SNIP1: variants seen among roughly 807,000 people sequenced by gnomAD.
The protein encoded by SNIP1 is Smad nuclear interacting protein 1, also known as smad nuclear-interacting protein 1.
A neutral mutation model predicts 37.4 loss-of-function variants in SNIP1; 23 were observed. That is an observed-to-expected ratio of 0.61 (90% confidence interval 0.44 to 0.87). The LOEUF (loss-of-function observed/expected upper bound fraction) is 0.87, where lower values mean the gene tolerates loss of function less well. SNIP1 is among the 40% of genes least tolerant of loss of function. SNIP1 has a pLI of 0.00. For missense variants in SNIP1, 459 were observed against 540.4 expected (o/e 0.85, Z 1.49); for synonymous variants, 174 against 200.0 (o/e 0.87, Z 1.10).
chr1:37,548,481 A>G (rs553891410), intron 2 of SNIP1, among the ~76,000 whole-genome samples: 1 of 151,336 alleles, frequency 6.6e-6, no homozygotes, highest in South Asian at 2.1e-4. Context: ...ACACCCAGCT[A>G]ATTTTTGTAT....
At chr1:37,541,060 G>A (rs544893082) in intron 2 of SNIP1, 2 of 257,334 alleles carry the variant, frequency 7.8e-6, no homozygotes, top group Non-Finnish European at 1.5e-5. Flanking sequence ...CTCCTTTTCA[G>A]AACAAAGGTA....
Position 37,536,491 on chromosome 1 carries a change from T to A in SNIP1, c.*1257A>T, listed in dbSNP as rs766381720. Reference sequence around the variant, plus strand: ...GCTCCATTAGCAGCAAACAGACCTATGAACACAAGGTCCTCTACGCTAGGA... The same window carrying A: ...GCTCCATTAGCAGCAAACAGACCTAAGAACACAAGGTCCTCTACGCTAGGA... On this transcript the variant is annotated 3_prime_UTR_variant, in exon 4 of 4. Coordinates refer to ENST00000296215, the MANE Select transcript of SNIP1 (RefSeq NM_024700.4). The A allele has an allele frequency of 2.0e-5, 3 of 152,476 alleles. No individual in the cohort carries two copies. The highest frequency in any genetic ancestry group is 2.9e-5 in the Non-Finnish European group (2 of 68,044). The allele number at this position is 152,476 out of a possible 1,614,324, so 9.4% of individuals were successfully genotyped here.
At chr1:37,551,501 G>A (rs1643302056) in intron 2 of SNIP1, among the ~76,000 whole-genome samples, 1 of 152,128 alleles carries the variant, frequency 6.6e-6, no homozygotes, top group Admixed American at 6.6e-5. Context: ...ACCTCAGAAT[G>A]TATTAATAAC....
rs1313795550 is a variant in SNIP1, at chr1:37,540,743, G to C, written c.340C>G (p.His114Asp). Reference protein sequence around the residue: ...TVKVKQEREDHPRRGREDRQH... With the variant: ...TVKVKQEREDDPRRGREDRQH... Reference sequence around the variant, plus strand: ...CGATCCTCCCGTCCTCTCCGGGGATGATCCTCACGCTCCTAAAATTCAAAC... The same window carrying C: ...CGATCCTCCCGTCCTCTCCGGGGATCATCCTCACGCTCCTAAAATTCAAAC... The change falls in exon 3 of 4, where the codon CAT (histidine) becomes GAT (aspartate). Residue 114 changes from histidine to aspartate, a missense_variant. By Grantham distance (81) the His-to-Asp change is moderately conservative. Coordinates refer to ENST00000296215, the MANE Select transcript of SNIP1 (RefSeq NM_024700.4). This position sits in a 1 kb window ranked among gnomAD's most constrained non-coding sequence, Gnocchi z 5.6. 1.9e-6 allele frequency: 3 copies of C among 1,598,612 alleles called. No homozygotes were observed. Among genetic ancestry groups the C allele is most frequent in the Non-Finnish European group, 2.6e-6 (3 of 1,170,196 alleles).
chr1:37,554,082 C>G lies in SNIP1; in HGVS notation c.148G>C (p.Gly50Arg), dbSNP rs369321132. The G allele has an allele frequency of 7.5e-6, 12 of 1,607,368 alleles. No homozygotes were observed. Among genetic ancestry groups the G allele is most frequent in the Non-Finnish European group, 9.3e-6 (11 of 1,177,744 alleles). The change falls in exon 1 of 4, where the codon GGT becomes CGT. Residue 50 changes from glycine to arginine, a missense_variant. Gly to Arg is a moderately radical substitution (Grantham distance 125, BLOSUM62 -2). Coordinates refer to ENST00000296215, the MANE Select transcript of SNIP1 (RefSeq NM_024700.4). Reference protein sequence around the residue: ...PPAHRRPDHSGGSPSPPTSEP... With the variant: ...PPAHRRPDHSRGSPSPPTSEP... The stretch of plus-strand genomic sequence containing the variant: ...CTGGTCGGCGGAGACGGGCTACCAC[C>G]GGAGTGGTCCGGACGGCGGTGGGCG...
chr1:37,542,249 G>C (rs1002678484), intron 2 of SNIP1, among the ~76,000 whole-genome samples: 3 of 152,288 alleles, frequency 2.0e-5, no homozygotes, highest in Middle Eastern at 3.4e-3. Flanking sequence ...AGATACACCA[G>C]ACAAAGGAAG....
At position 37,537,409 on chromosome 1, in the gene SNIP1, T is replaced by A. The variant is rs747824688; in HGVS notation, c.*339A>T. On this transcript the variant is annotated 3_prime_UTR_variant, in exon 4 of 4. Transcript: ENST00000296215. ...AAAGAGAACAAGCCATGATTTCCCC[T>A]TAACCAAGGGTTTATAGTTTCCTAG... 1 of 235,108 alleles carries A rather than the reference T, an allele frequency of 4.3e-6. No individual in the cohort carries two copies. The highest frequency in any genetic ancestry group is 8.3e-6 in the Non-Finnish European group (1 of 119,976). 14.6% of individuals were successfully genotyped at this position (235,108 alleles called of 1,614,324 possible).
rs1278612134 is a variant in SNIP1, at chr1:37,540,221, G to A, written c.862C>T (p.Arg288Cys). The change falls in exon 3 of 4, where the codon CGC (arginine) becomes TGC (cysteine). Residue 288 changes from arginine (R) to cysteine (C), a missense_variant. Transcript: ENST00000296215. The surrounding 1 kb of genome is among the most constrained non-coding windows in gnomAD (Gnocchi z 5.6). ...QSAYLLGRHR[R>C]IADIPIDHPS... ...TGATCAATTGGAATGTCTGCAATGCGGCGGTGTCGACCCAGTAGGTACGCA... is the reference window on the plus strand; with the variant it reads ...TGATCAATTGGAATGTCTGCAATGCAGCGGTGTCGACCCAGTAGGTACGCA... 6 of 1,611,320 alleles carry A rather than the reference G, an allele frequency of 3.7e-6. No individual in the cohort carries two copies. Among genetic ancestry groups the A allele is most frequent in the African/African-American group, 1.3e-5 (1 of 74,850 alleles).
intron 2 of SNIP1, among the ~76,000 whole-genome samples, chr1:37,549,482 G>A (rs190390790): frequency 4.6e-5 from 7 of 152,156 alleles, no homozygotes; most frequent in East Asian, 1.9e-4. Context: ...ACTGTTCACC[G>A]CAGCCTCAAC....
chr1:37,545,724 G>A (rs1030516780), intron 2 of SNIP1, among the ~76,000 whole-genome samples: 1 of 151,992 alleles, frequency 6.6e-6, no homozygotes. Flanking sequence ...TTGGAAGGCC[G>A]AGGCGGGTGG....
At chr1:37,543,810 A>G (rs574667679) in intron 2 of SNIP1, among the ~76,000 whole-genome samples, 2 of 152,246 alleles carry the variant, frequency 1.3e-5, no homozygotes, top group African/African-American at 4.8e-5. Flanking sequence ...CACACAAGGA[A>G]ATGGAAACAA....
rs1311693699 is a variant in SNIP1, at chr1:37,537,562, T to G, written c.*186A>C. The G allele has an allele frequency of 1.6e-5, 10 of 625,862 alleles. No homozygotes were observed. Among genetic ancestry groups the G allele is most frequent in the Non-Finnish European group, 2.4e-5 (9 of 376,302 alleles). The allele number at this position is 625,862 out of a possible 1,614,324, so 38.8% of individuals were successfully genotyped here. On this transcript the variant is annotated 3_prime_UTR_variant, in exon 4 of 4. Transcript: ENST00000296215. ...TGGCCAAGGTGCCACAGAAAAAGTT[T>G]AACAAACATTAGTCAGTGTATTCAA...
At chr1:37,542,259 G>T (rs1404645265) in intron 2 of SNIP1, among the ~76,000 whole-genome samples, 9 of 152,202 alleles carry the variant, frequency 5.9e-5, no homozygotes, top group Non-Finnish European at 1.2e-4. Flanking sequence ...GACAAAGGAA[G>T]GATTCACGTT....
intron 3 of SNIP1, among the ~76,000 whole-genome samples, chr1:37,538,550 A>G (rs1174909487): frequency 6.6e-6 from 1 of 151,508 alleles, no homozygotes; most frequent in Non-Finnish European, 1.5e-5. Flanking sequence ...AGTTGCTGGA[A>G]GGTGGGGAGA....
At chr1:37,538,447 T>TGCA (rs1643125807) in intron 3 of SNIP1, among the ~76,000 whole-genome samples, 1 of 141,740 alleles carries the variant, frequency 7.1e-6, no homozygotes, top group South Asian at 2.2e-4. Context: ...AGGCAGAGGT[T>TGCA]GCAGTGAGCC....
chr1:37,539,423 C>G (rs529237219), intron 3 of SNIP1, among the ~76,000 whole-genome samples: 1 of 152,106 alleles, frequency 6.6e-6, no homozygotes, highest in Non-Finnish European at 1.5e-5. Context: ...AACAAACAAA[C>G]AAAACGGGCC....
Position 37,537,684 on chromosome 1 carries a change from C to G in SNIP1, c.*64G>C. On this transcript the variant is annotated 3_prime_UTR_variant, in exon 4 of 4. Coordinates refer to ENST00000296215, the MANE Select transcript of SNIP1 (RefSeq NM_024700.4). ...GTGCTGGACCCACCACCATAGTGCT[C>G]TCTGAGTCAATCAAAGACTTCCAAG... 1 of 1,560,118 alleles carries G rather than the reference C, an allele frequency of 6.4e-7. No individual in the cohort carries two copies. The highest frequency in any genetic ancestry group is 8.7e-7 in the Non-Finnish European group (1 of 1,149,306).
chr1:37,537,606 C>G lies in SNIP1; in HGVS notation c.*142G>C. 1.1e-6 allele frequency: 1 copy of G among 885,850 alleles called. No individual in the cohort carries two copies. The allele number at this position is 885,850 out of a possible 1,614,324, so 54.9% of individuals were successfully genotyped here. A position where few individuals can be genotyped will look rare whatever the true frequency, so the allele number is the denominator to read the frequency against. ...TATTCAAATGGTAACACAATCTGGT[C>G]AGCAACAGAGGAAAGACTTAAGGCA... is the stretch of plus-strand genomic sequence containing the variant. On this transcript the variant is annotated 3_prime_UTR_variant, in exon 4 of 4. Coordinates refer to ENST00000296215, the MANE Select transcript of SNIP1 (RefSeq NM_024700.4).
In SNIP1 at chr1:37,538,017, C is replaced by A. The variant is rs1557623966; in HGVS notation, c.927-5G>T. Reference sequence around the variant, plus strand: ...GCACGGGTATATTCCACAAGCCTAGCAGAAAAAAAGGAGAAACCTGTGAGC... The same window carrying A: ...GCACGGGTATATTCCACAAGCCTAGAAGAAAAAAAGGAGAAACCTGTGAGC... On this transcript the variant is annotated splice_polypyrimidine_tract_variant and splice_region_variant and intron_variant, in intron 3 of 3. Coordinates refer to ENST00000296215, the MANE Select transcript of SNIP1 (RefSeq NM_024700.4). 1.3e-6 allele frequency: 2 copies of A among 1,576,488 alleles called. No individual in the cohort carries two copies. Among genetic ancestry groups the A allele is most frequent in the East Asian group, 2.2e-5 (1 of 44,570 alleles).
Sources: allele counts gnomAD v4.1 joint callset (sites outside exome capture counted in the v4.1 genomes callset), GRCh38; gene constraint gnomAD v4.1.1; non-coding constraint Gnocchi (gnomAD v3.1); transcripts MANE v1.5; gene names NCBI Gene and HGNC (gene_info 2026-07-23, HGNC 2026-07-21).